The following CRAMP1 variants were observed in gnomAD, a reference collection of about 807,000 sequenced individuals.
The protein encoded by CRAMP1 is protein cramped-like.
CRAMP1 carries 50 observed loss-of-function variants against 115.4 expected under a neutral mutation model. That is an observed-to-expected ratio of 0.43 (90% CI 0.35 to 0.55). The LOEUF (loss-of-function observed/expected upper bound fraction) is 0.55, where lower values mean the gene tolerates loss of function less well. CRAMP1 is among the 20% of genes least tolerant of loss of function. CRAMP1 has a pLI of 0.01. For missense variants in CRAMP1, 1,679 were observed against 1,721.7 expected, an observed-to-expected ratio of 0.98 and a Z score of 0.44; for synonymous variants, 866 against 745.4, an observed-to-expected ratio of 1.16 and a Z score of -2.64.
chr16:1,646,640 C>A (rs898833574), intron 6 of CRAMP1, among the ~76,000 whole-genome samples: 6 of 152,216 alleles, frequency 3.9e-5, no homozygotes, highest in African/African-American at 1.4e-4. Context: ...TACTGTCCTG[C>A]ACAGAGTGAA....
chr16:1,663,492 G>A (rs966472639), intron 13 of CRAMP1, among the ~76,000 whole-genome samples: 1 of 152,172 alleles, frequency 6.6e-6, no homozygotes, highest in African/African-American at 2.4e-5. Flanking sequence ...AATCTTAGGT[G>A]TTCTTTGTTC....
At chr16:1,648,153 T>G (rs569505385) in intron 6 of CRAMP1, among the ~76,000 whole-genome samples, 14 of 152,102 alleles carry the variant, frequency 9.2e-5, no homozygotes, top group Admixed American at 2.0e-4. Context: ...AATAGCAGTT[T>G]AACGGAAAAT....
chr16:1,638,838 C>T (rs995385793), intron 5 of CRAMP1, among the ~76,000 whole-genome samples: 2 of 151,818 alleles, frequency 1.3e-5, no homozygotes, highest in African/African-American at 4.8e-5. Flanking sequence ...TTGCTGTGTC[C>T]TGCGGGGTGG....
chr16:1,624,526 C>G (rs991512540), intron 2 of CRAMP1, among the ~76,000 whole-genome samples: 5 of 150,802 alleles, frequency 3.3e-5, no homozygotes, highest in African/African-American at 1.2e-4. Flanking sequence ...CAATTCAGTT[C>G]TCCTGCCTCA....
intron 14 of CRAMP1, chr16:1,665,651 C>G (rs2036868213): frequency 4.5e-6 from 1 of 223,870 alleles, no homozygotes; most frequent in Non-Finnish European, 8.9e-6. Flanking sequence ...TAACAGCTGT[C>G]AATTGCTTTT....
chr16:1,667,232 CA>C (rs2036883435), intron 16 of CRAMP1, 102 bp from the exon 17 acceptor site: 7 of 863,560 alleles, frequency 8.1e-6, no homozygotes, highest in Non-Finnish European at 1.3e-5. Context: ...GTTAGGAGGC[CA>C]GGGGGATGGA....
In CRAMP1 at chr16:1,667,998, G is replaced by A; in HGVS notation, c.3139G>A (p.Ala1047Thr). The change falls in exon 18 of 21, where the codon GCC becomes ACC. Residue 1047 changes from alanine (A) to threonine (T), a missense_variant. Transcript: ENST00000397412. The part of the protein sequence containing the change: ...SVLSLSELPK[A>T]PLQNGLSIPL... ...TCTCTCCTTATCTGAGCTGCCCAAG[G>A]CCCCTCTCCAGAATGGCCTCTCCAT... 1 of 1,613,286 alleles carries A rather than the reference G, an allele frequency of 6.2e-7. No individual in the cohort carries two copies. The highest frequency in any genetic ancestry group is 8.5e-7 in the Non-Finnish European group (1 of 1,179,640).
chr16:1,613,977 GT>G (rs905687744), intron 1 of CRAMP1, among the ~76,000 whole-genome samples: 17 of 151,950 alleles, frequency 1.1e-4, no homozygotes, highest in Non-Finnish European at 1.9e-4. Context: ...CCACCATGGA[GT>G]TCCCCGTGCG....
In CRAMP1 at chr16:1,673,868, C is replaced by T; in HGVS notation, c.3646-13C>T. On this transcript the variant is annotated splice_polypyrimidine_tract_variant and intron_variant, in intron 20 of 20. Transcript: ENST00000397412. ...TCGCGGTGACTTGTTCTTCCTGTCT[C>T]CTCTTCCTGCAGGTTGTGGATTCCC... The T allele has an allele frequency of 6.2e-7, 1 of 1,613,614 alleles. No individual in the cohort carries two copies. Among genetic ancestry groups the T allele is most frequent in the Non-Finnish European group, 8.5e-7 (1 of 1,179,714 alleles).
intron 2 of CRAMP1, among the ~76,000 whole-genome samples, chr16:1,615,658 C>T (rs767042067): frequency 6.6e-6 from 1 of 152,214 alleles, no homozygotes; most frequent in Non-Finnish European, 1.5e-5. Context: ...TAGCTGGGGT[C>T]TCTTACCAAG....
At chr16:1,655,379 C>G (rs1467484556) in intron 9 of CRAMP1, 79 bp downstream of exon 9, 2 of 1,137,156 alleles carry the variant, frequency 1.8e-6, no homozygotes, top group Non-Finnish European at 2.7e-6. Context: ...CTCCCTGTGC[C>G]TGTCATCGTC....
chr16:1,655,176 C>T, intron 8 of CRAMP1, 43 bp from the exon 9 acceptor site: 1 of 1,528,430 alleles, frequency 6.5e-7, no homozygotes, highest in Admixed American at 1.7e-5. Flanking sequence ...GGTTTCCTTC[C>T]TGTTCTGCGA....
At position 1,667,967 on chromosome 16, in the gene CRAMP1, A is replaced by C. The variant is rs1433792026; in HGVS notation, c.3108A>C (p.Ser1036=). The change falls in exon 18 of 21, where the codon TCA becomes TCC. Residue 1036 remains serine, a synonymous_variant. Transcript: ENST00000397412. The stretch of plus-strand genomic sequence containing the variant: ...AAATACCTGTCTCCCAGCAGGGCTC[A>C]TCTGTTCTCTCCTTATCTGAGCTGC... ...QEPVADSFQG[S]SVLSLSELPK... is the part of the protein sequence containing the mutation. The C allele has an allele frequency of 6.2e-6, 10 of 1,605,178 alleles. No individual in the cohort carries two copies. The South Asian group carries it at 8.9e-5, about 14-fold the overall frequency.
At chr16:1,632,700 AC>A (rs1396461023) in intron 4 of CRAMP1, among the ~76,000 whole-genome samples, 1 of 152,216 alleles carries the variant, frequency 6.6e-6, no homozygotes, top group Non-Finnish European at 1.5e-5. Context: ...AAATGATAGC[AC>A]CATGGTCCAG....
chr16:1,666,792 T>C lies in CRAMP1; in HGVS notation c.3036+192T>C, dbSNP rs935876596. Among the ~76,000 whole-genome samples the C allele has an allele frequency of 9.2e-5, 14 of 152,118 alleles. No individual in the cohort carries two copies. The highest frequency in any genetic ancestry group is 9.7e-5 in the African/African-American group (4 of 41,414). On this transcript the variant is annotated intron_variant, in intron 16 of 20. Coordinates refer to ENST00000397412, the MANE Select transcript of CRAMP1 (RefSeq NM_020825.4). This position sits in a 1 kb window ranked among gnomAD's most constrained non-coding sequence, Gnocchi z 5.0. The stretch of plus-strand genomic sequence containing the variant: ...GGCCTCCGGAGCCACTGACGAAAGG[T>C]GGGGACAGGCTTGCCATGTGGCACT...
At chr16:1,653,423 G>A (rs1246678025) in intron 8 of CRAMP1, among the ~76,000 whole-genome samples, 4 of 152,176 alleles carry the variant, frequency 2.6e-5, no homozygotes, top group East Asian at 1.9e-4. Context: ...CCTTCCTTTC[G>A]TCCCCCACTA....
intron 6 of CRAMP1, chr16:1,645,311 C>G (rs567883762): frequency 5.6e-5 from 13 of 230,270 alleles, no homozygotes; most frequent in South Asian, 4.5e-4. Flanking sequence ...CTCAGCTTCC[C>G]GACTAGCTGG....
intron 2 of CRAMP1, among the ~76,000 whole-genome samples, chr16:1,616,701 G>T (rs1199411525): frequency 6.6e-6 from 1 of 152,086 alleles, no homozygotes; most frequent in Non-Finnish European, 1.5e-5. Context: ...GTCCCATTGT[G>T]TGGCTTGGAG....
chr16:1,643,513 C>T (rs1269658392), intron 6 of CRAMP1, among the ~76,000 whole-genome samples: 1 of 151,716 alleles, frequency 6.6e-6, no homozygotes, highest in Admixed American at 6.6e-5. Context: ...TGTGCTCCAG[C>T]CTGGGTGACA....
Sources: gnomAD v4.1 joint callset for allele counts (sites outside exome capture counted in the v4.1 genomes callset) on GRCh38, gnomAD v4.1.1 for gene constraint, Gnocchi (gnomAD v3.1) non-coding constraint, MANE v1.5 for transcripts, NCBI Gene and HGNC (gene_info 2026-07-23, HGNC 2026-07-21) for gene names.